The following FAM107B variants were observed in gnomAD, a reference collection of about 807,000 sequenced individuals.
FAM107B encodes the protein protein FAM107B.
Under a neutral mutation model 31.5 loss-of-function variants are expected in FAM107B, and 21 were observed. That is an observed-to-expected ratio of 0.67 (90% CI 0.47 to 0.96). The LOEUF (loss-of-function observed/expected upper bound fraction) is 0.96. Ranked by LOEUF, FAM107B falls within the 40% of genes least tolerant of loss-of-function variation. The pLI is 0.00. For missense variants in FAM107B, 452 were observed against 377.1 expected, an observed-to-expected ratio of 1.20 and a Z score of -1.64; for synonymous variants, 157 against 141.5, an observed-to-expected ratio of 1.11 and a Z score of -0.78.
At chr10:14,774,225 T>C in intron 1 of FAM107B, 28 bp downstream of exon 1, 2 of 1,578,730 alleles carry the variant, frequency 1.3e-6, no homozygotes, top group East Asian at 2.3e-5. Flanking sequence ...CCATCCCGTC[T>C]ATAATCGCAG....
intron 1 of FAM107B, among the ~76,000 whole-genome samples, chr10:14,767,507 G>T (rs1833208985): frequency 2.0e-5 from 3 of 151,872 alleles, no homozygotes; most frequent in Admixed American, 6.6e-5. Context: ...TACAATGATG[G>T]TCAACATAGA....
intron 1 of FAM107B, among the ~76,000 whole-genome samples, chr10:14,734,666 C>A (rs1254969299): frequency 6.6e-6 from 1 of 152,076 alleles, no homozygotes; most frequent in Non-Finnish European, 1.5e-5. Flanking sequence ...TTAGGGCACA[C>A]CTCCATTGCT....
intron 1 of FAM107B, among the ~76,000 whole-genome samples, chr10:14,681,895 G>A (rs1854845646): frequency 6.6e-6 from 1 of 152,224 alleles, no homozygotes; most frequent in African/African-American, 2.4e-5. Context: ...TAGCGAGAGA[G>A]TTTAGTGTCG....
intron 1 of FAM107B, among the ~76,000 whole-genome samples, chr10:14,750,028 G>A (rs963302823): frequency 4.6e-5 from 7 of 152,170 alleles, no homozygotes; most frequent in African/African-American, 9.7e-5. Context: ...TGGGAACTCC[G>A]GAAGTTGGAA....
intron 2 of FAM107B, among the ~76,000 whole-genome samples, chr10:14,558,273 G>A (rs554296594): frequency 2.2e-4 from 34 of 151,842 alleles, no homozygotes; most frequent in African/African-American, 6.3e-4. Context: ...TCACACATAC[G>A]TGCACGCACA....
At chr10:14,717,093 T>C (rs1445700750) in intron 1 of FAM107B, among the ~76,000 whole-genome samples, 1 of 151,820 alleles carries the variant, frequency 6.6e-6, no homozygotes, top group Non-Finnish European at 1.5e-5. Flanking sequence ...GTCTCAAAAA[T>C]AAAAATTAAA....
chr10:14,766,788 A>T (rs1305250347), intron 1 of FAM107B, among the ~76,000 whole-genome samples: 1 of 151,352 alleles, frequency 6.6e-6, no homozygotes, highest in East Asian at 2.0e-4. Flanking sequence ...TATAACTGGT[A>T]TGGAGATTGG....
intron 2 of FAM107B, among the ~76,000 whole-genome samples, chr10:14,534,225 A>G (rs896714184): frequency 6.6e-6 from 1 of 152,168 alleles, no homozygotes; most frequent in African/African-American, 2.4e-5. Context: ...TGCAAAGGCC[A>G]CACTGGGGTC....
chr10:14,774,342 C>T lies in FAM107B; in HGVS notation c.322G>A (p.Val108Met), dbSNP rs1407731973. The change falls in exon 1 of 5, where the codon GTG (valine) becomes ATG (methionine). Residue 108 changes from valine (V) to methionine (M), a missense_variant. Transcript: ENST00000181796. ...AAQPAETPED[V>M]PGSLDDGADC... ...GCCCCATCATCCAGGGACCCGGGCA[C>T]ATCTTCAGGCGTCTCCGCGGGCTGG... 1.2e-6 allele frequency: 2 copies of T among 1,614,126 alleles called. No homozygotes were observed. The highest frequency in any genetic ancestry group is 2.7e-5 in the African/African-American group (2 of 74,946).
chr10:14,707,655 G>C (rs1239805508), intron 1 of FAM107B, among the ~76,000 whole-genome samples: 1 of 152,220 alleles, frequency 6.6e-6, no homozygotes, highest in African/African-American at 2.4e-5. Flanking sequence ...GTCTGGGATA[G>C]ATTAAGGAGC....
At chr10:14,600,349 C>T (rs1852349145) in intron 2 of FAM107B, among the ~76,000 whole-genome samples, 1 of 152,160 alleles carries the variant, frequency 6.6e-6, no homozygotes, top group South Asian at 2.1e-4. Flanking sequence ...TGTCCGAACC[C>T]CACAGCCAAA....
chr10:14,748,281 G>C (rs1832765316), intron 1 of FAM107B, among the ~76,000 whole-genome samples: 1 of 152,218 alleles, frequency 6.6e-6, no homozygotes, highest in Admixed American at 6.5e-5. Context: ...CTCAAGTTGG[G>C]AAGCAGCACA....
chr10:14,625,618 C>T (rs1352968994), intron 2 of FAM107B, among the ~76,000 whole-genome samples: 1 of 152,048 alleles, frequency 6.6e-6, no homozygotes, highest in Non-Finnish European at 1.5e-5. Flanking sequence ...GAGAAACAGG[C>T]AGAAGAGACA....
chr10:14,587,356 A>G (rs949834194), intron 2 of FAM107B, among the ~76,000 whole-genome samples: 1 of 152,228 alleles, frequency 6.6e-6, no homozygotes, highest in African/African-American at 2.4e-5. Context: ...ATATATTCTC[A>G]TATATTTATT....
chr10:14,572,777 A>G (rs950484453), intron 2 of FAM107B, among the ~76,000 whole-genome samples: 2 of 140,664 alleles, frequency 1.4e-5, no homozygotes, highest in African/African-American at 5.3e-5. Context: ...GTGTGTGTAT[A>G]TATGTTATGT....
chr10:14,740,152 C>T (rs536136474), intron 1 of FAM107B, among the ~76,000 whole-genome samples: 6 of 152,304 alleles, frequency 3.9e-5, no homozygotes, highest in South Asian at 4.1e-4. Context: ...AAAACCTACA[C>T]GTGAATGTTT....
intron 1 of FAM107B, among the ~76,000 whole-genome samples, chr10:14,769,349 CCT>C (rs1374608760): frequency 6.6e-6 from 1 of 152,056 alleles, no homozygotes; most frequent in African/African-American, 2.4e-5. Context: ...CAAGATGGGC[CCT>C]GTTTCCCTTC....
At chr10:14,661,138 G>A (rs995341832) in intron 2 of FAM107B, among the ~76,000 whole-genome samples, 7 of 152,254 alleles carry the variant, frequency 4.6e-5, no homozygotes, top group South Asian at 4.1e-4. Flanking sequence ...CCCCAGCCAC[G>A]CTTCCTGTAC....
chr10:14,522,201 G>T, intron 3 of FAM107B, 182 bp from the exon 4 acceptor site: 2 of 734,580 alleles, frequency 2.7e-6, no homozygotes, highest in Non-Finnish European at 4.3e-6. Context: ...AGAAAGGCAA[G>T]AGGAGATCTC....
Sources: allele counts gnomAD v4.1 joint callset (sites outside exome capture counted in the v4.1 genomes callset), GRCh38; gene constraint gnomAD v4.1.1; transcripts MANE v1.5; gene names NCBI Gene and HGNC (gene_info 2026-07-23, HGNC 2026-07-21).